LRRC34: variants seen among roughly 807,000 people sequenced by gnomAD.
LRRC34 encodes the protein leucine-rich repeat-containing protein 34.
LRRC34 carries 44 observed loss-of-function variants against 48.5 expected under a neutral mutation model. The observed-to-expected ratio is 0.91, with a 90% CI of 0.71 to 1.17. The LOEUF (loss-of-function observed/expected upper bound fraction) is 1.17. Among genes scored for constraint, LRRC34 ranks in the 50% most tolerant of loss-of-function variants. The pLI is 0.00. For missense variants in LRRC34, 502 were observed against 563.0 expected, an observed-to-expected ratio of 0.89 and a Z score of 1.10; for synonymous variants, 192 against 197.6, an observed-to-expected ratio of 0.97 and a Z score of 0.24.
rs1560598321 is a variant in LRRC34, at chr3:169,800,654, CAT to C, written c.753+3_753+4del. 2.0e-6 allele frequency: 3 copies of C among 1,509,032 alleles called. No individual in the cohort carries two copies. The highest frequency in any genetic ancestry group is 2.7e-6 in the Non-Finnish European group (3 of 1,126,092). 93.5% of individuals were successfully genotyped at this position (1,509,032 alleles called of 1,614,324 possible). A position where few individuals can be genotyped will look rare whatever the true frequency, so the allele number is the denominator to read the frequency against. On this transcript the variant is annotated splice_donor_region_variant and intron_variant, in intron 7 of 10. Transcript: ENST00000446859. ...ATATTAACTACCATCACTTTGAATA[CAT>C]ACCTGTTCACTGTACAGTATAGGTC...
At chr3:169,796,391 T>A (rs1180870750) in intron 8 of LRRC34, 22 bp from the exon 9 acceptor site, 3 of 1,586,544 alleles carry the variant, frequency 1.9e-6, no homozygotes, top group Non-Finnish European at 2.6e-6. Flanking sequence ...AAAATAGTTA[T>A]ATTTGAAAAT....
At chr3:169,798,424 C>T (rs1167016471) in intron 7 of LRRC34, among the ~76,000 whole-genome samples, 1 of 152,188 alleles carries the variant, frequency 6.6e-6, no homozygotes, top group Non-Finnish European at 1.5e-5. Flanking sequence ...TTTGTTATCC[C>T]ATTCCTCCAC....
intron 6 of LRRC34, 150 bp from the exon 7 acceptor site, chr3:169,800,904 C>T: frequency 1.6e-6 from 1 of 612,540 alleles, no homozygotes; most frequent in Admixed American, 3.0e-5. Flanking sequence ...TGATCAAATT[C>T]AAAAATGAAT....
chr3:169,812,069 G>A lies in LRRC34; in HGVS notation c.139+341C>T, dbSNP rs1779595616. Among the ~76,000 whole-genome samples, 1 of 152,018 alleles carries A rather than the reference G, an allele frequency of 6.6e-6. No individual in the cohort carries two copies. Among genetic ancestry groups the A allele is most frequent in the African/African-American group, 2.4e-5 (1 of 41,406 alleles). On this transcript the variant is annotated intron_variant, in intron 1 of 10. Coordinates refer to ENST00000446859, the MANE Select transcript of LRRC34 (RefSeq NM_001172779.2). The surrounding 1 kb of genome is among the most constrained non-coding windows in gnomAD (Gnocchi z 4.3). ...GCTCTCTGGGACTTTCACAAAAAGG[G>A]GGCTGAGAAGAGCCCCCCCGCCACC... is the stretch of plus-strand genomic sequence containing the variant.
chr3:169,804,639 T>A (rs1397009129), intron 5 of LRRC34, among the ~76,000 whole-genome samples: 1 of 152,180 alleles, frequency 6.6e-6, no homozygotes, highest in African/African-American at 2.4e-5. Context: ...TCTACCATAA[T>A]AGATAAAAAT....
intron 8 of LRRC34, 42 bp downstream of exon 8, chr3:169,796,703 A>G (rs1464067542): frequency 6.4e-7 from 1 of 1,556,330 alleles, no homozygotes; most frequent in African/African-American, 1.4e-5. Context: ...GATTATTCCC[A>G]TTATTTAACT....
intron 2 of LRRC34, chr3:169,807,943 C>A: frequency 2.2e-6 from 1 of 457,106 alleles, no homozygotes; most frequent in South Asian, 3.8e-5. Context: ...TTAGCTCTCT[C>A]ACACACACTC....
rs1343810768 is a variant in LRRC34 at position 169,812,746 on chromosome 3, G to C, written c.-198C>G. Reference sequence around the variant, plus strand: ...AGGCAGCCTGAGGGAGGGCGTCCTGGCTCCTTTGCAGGGAGGAGTTCCCGA... The same window carrying C: ...AGGCAGCCTGAGGGAGGGCGTCCTGCCTCCTTTGCAGGGAGGAGTTCCCGA... On this transcript the variant is annotated 5_prime_UTR_variant, in exon 1 of 11. Transcript: ENST00000446859. This position sits in a 1 kb window ranked among gnomAD's most constrained non-coding sequence, Gnocchi z 4.3. The C allele has an allele frequency of 5.5e-6, 4 of 731,100 alleles. No individual in the cohort carries two copies. The highest frequency in any genetic ancestry group is 8.1e-6 in the Non-Finnish European group (4 of 493,238). The allele number at this position is 731,100 out of a possible 1,614,324, so 45.3% of individuals were successfully genotyped here. A position where few individuals can be genotyped will look rare whatever the true frequency, so the allele number is the denominator to read the frequency against.
chr3:169,811,095 C>T (rs1264923110), intron 1 of LRRC34, among the ~76,000 whole-genome samples: 2 of 152,158 alleles, frequency 1.3e-5, no homozygotes, highest in East Asian at 3.8e-4. Context: ...ACAAAAACCT[C>T]ACTTGGAATG....
Position 169,807,641 on chromosome 3 carries a change from C to T in LRRC34, c.326G>A (p.Gly109Asp). Residue 109 changes from glycine to aspartate, a missense_variant, in exon 3 of 11, where the codon GGT becomes GAT. By Grantham distance (94) the Gly-to-Asp change is moderately conservative (BLOSUM62 -1). Coordinates refer to ENST00000446859, the MANE Select transcript of LRRC34 (RefSeq NM_001172779.2). The stretch of plus-strand genomic sequence containing the variant: ...TTTGGAAAGAATCCAAAAATCTTCA[C>T]CTGTAACTCTTTCTACTGGCACTAA... The part of the protein sequence containing the change: ...NRLVPVERVT[G>D]EDFWILSKIL... 1 of 1,611,076 alleles carries T rather than the reference C, an allele frequency of 6.2e-7. No homozygotes were observed. The highest frequency in any genetic ancestry group is 1.1e-5 in the South Asian group (1 of 90,754).
At position 169,800,705 on chromosome 3, in the gene LRRC34, G is replaced by A; in HGVS notation, c.707C>T (p.Ala236Val). The A allele has an allele frequency of 6.5e-7, 1 of 1,535,138 alleles. No homozygotes were observed. The highest frequency in any genetic ancestry group is 8.7e-7 in the Non-Finnish European group (1 of 1,146,638). Residue 236 changes from alanine (A) to valine (V), a missense_variant, in exon 7 of 11, where the codon GCA (alanine) becomes GTA (valine). By Grantham distance (64) the Ala-to-Val change is moderately conservative. Coordinates refer to ENST00000446859, the MANE Select transcript of LRRC34 (RefSeq NM_001172779.2). Reference protein sequence around the residue: ...AFATVLTQNQAIKAINLNRPI... With the variant: ...AFATVLTQNQVIKAINLNRPI... The stretch of plus-strand genomic sequence containing the variant: ...TCGGTTTAGGTTTATTGCCTTAATT[G>A]CTTGGTTTTGAGTTAGTACTGTAGC...
chr3:169,804,103 G>A lies in LRRC34; in HGVS notation c.607C>T (p.Leu203=), dbSNP rs1779289401. Residue 203 remains leucine (L), a synonymous_variant, in exon 6 of 11, where the codon CTG becomes TTG. Coordinates refer to ENST00000446859, the MANE Select transcript of LRRC34 (RefSeq NM_001172779.2). ...TTCTCTAATGATGAATTAATTTGCA[G>A]CATTGCAGCAAAAAACATTCCACCT... ...NKGGMFFAAM[L]QINSSLEKLD... The A allele has an allele frequency of 6.2e-7, 1 of 1,604,674 alleles. No homozygotes were observed. The highest frequency in any genetic ancestry group is 8.5e-7 in the Non-Finnish European group (1 of 1,175,104).
At position 169,796,309 on chromosome 3, in the gene LRRC34, G is replaced by A; in HGVS notation, c.969C>T (p.Thr323=). 6.2e-7 allele frequency: 1 copy of A among 1,611,982 alleles called. No homozygotes were observed. The highest frequency in any genetic ancestry group is 8.5e-7 in the Non-Finnish European group (1 of 1,179,292). ...TAAAGGAAAGATCTATTACTTCCAG[G>A]GTAGTGTTGCTTTTCAGTACATCAG... ...YLADVLKSNT[T]LEVIDLSFNR... The change falls in exon 9 of 11, where the codon ACC becomes ACT. Residue 323 remains threonine, a synonymous_variant. Coordinates refer to ENST00000446859, the MANE Select transcript of LRRC34 (RefSeq NM_001172779.2).
At position 169,812,443 on chromosome 3, in the gene LRRC34, T is replaced by C. The variant is rs1287169115; in HGVS notation, c.106A>G (p.Ser36Gly). 2 of 1,531,612 alleles carry C rather than the reference T, an allele frequency of 1.3e-6. No individual in the cohort carries two copies. The highest frequency in any genetic ancestry group is 1.7e-6 in the Non-Finnish European group (2 of 1,145,556). 94.9% of individuals were successfully genotyped at this position (1,531,612 alleles called of 1,614,324 possible). The change falls in exon 1 of 11, where the codon AGT (serine) becomes GGT (glycine). Residue 36 changes from serine (S) to glycine (G), a missense_variant. Transcript: ENST00000446859. The surrounding 1 kb of genome is among the most constrained non-coding windows in gnomAD (Gnocchi z 4.3). ...RSPAWASTQA[S>G]TPGAALAVQR... The stretch of plus-strand genomic sequence containing the variant: ...ACCGCCAGGGCCGCGCCCGGAGTAC[T>C]GGCCTGAGTGGAGGCCCAAGCCGGG...
chr3:169,800,992 C>T (rs1370233407), intron 6 of LRRC34, among the ~76,000 whole-genome samples: 1 of 152,094 alleles, frequency 6.6e-6, no homozygotes, highest in Non-Finnish European at 1.5e-5. Flanking sequence ...TTTCAGTGTC[C>T]ATTTCCTGGG....
At chr3:169,802,589 T>C (rs1779232360) in intron 6 of LRRC34, among the ~76,000 whole-genome samples, 1 of 152,166 alleles carries the variant, frequency 6.6e-6, no homozygotes, top group Admixed American at 6.6e-5. Context: ...GTTGTATCAT[T>C]AGTGTCCAGC....
intron 7 of LRRC34, among the ~76,000 whole-genome samples, chr3:169,798,423 C>T (rs746562583): frequency 1.3e-5 from 2 of 152,116 alleles, no homozygotes; most frequent in Non-Finnish European, 2.9e-5. Flanking sequence ...TTTTGTTATC[C>T]CATTCCTCCA....
At chr3:169,806,745 A>G in intron 5 of LRRC34, 103 bp downstream of exon 5, 1 of 634,674 alleles carries the variant, frequency 1.6e-6, no homozygotes, top group Non-Finnish European at 2.7e-6. Flanking sequence ...CATTCCTACA[A>G]TATTAAAATA....
rs138091786 is a variant in LRRC34 at position 169,795,570 on chromosome 3, A to G, written c.1106T>C (p.Val369Ala). 1.1e-4 allele frequency: 172 copies of G among 1,612,960 alleles called. No homozygotes were observed. The African/African-American group carries it at 1.9e-3, about 18-fold the overall frequency. The change falls in exon 10 of 11, where the codon GTT becomes GCT. Residue 369 changes from valine to alanine, a missense_variant. Transcript: ENST00000446859. ...TGTTTTCATTGATTGTGAAAGTGCAACAAGTCCTTCTCCCTCTATGTTGTT... is the reference window on the plus strand; with the variant it reads ...TGTTTTCATTGATTGTGAAAGTGCAGCAAGTCCTTCTCCCTCTATGTTGTT... The part of the protein sequence containing the change: ...VSNNIEGEGL[V>A]ALSQSMKTNL...
Sources: allele counts gnomAD v4.1 joint callset (sites outside exome capture counted in the v4.1 genomes callset), GRCh38; gene constraint gnomAD v4.1.1; non-coding constraint Gnocchi (gnomAD v3.1); transcripts MANE v1.5; gene names NCBI Gene and HGNC (gene_info 2026-07-23, HGNC 2026-07-21).